The following BTBD9 variants were observed in gnomAD, a reference collection of about 807,000 sequenced individuals.
BTBD9 encodes the protein BTB domain containing 9.
Under a neutral mutation model 64.3 loss-of-function variants are expected in BTBD9, and 49 were observed. That is an observed-to-expected ratio of 0.76 (90% CI 0.61 to 0.97). The LOEUF is 0.97. Ranked by LOEUF, BTBD9 falls within the 50% of genes least tolerant of loss-of-function variation. The probability of loss-of-function intolerance (pLI) is 0.00; values close to 1 mark genes in which losing one functional copy is unlikely to be tolerated. For synonymous variants in BTBD9, 260 were observed against 274.7 expected (o/e 0.95, Z 0.53); for missense variants, 598 against 762.1 (o/e 0.78, Z 2.53).
At chr6:38,441,081 A>G (rs964190127) in intron 6 of BTBD9, among the ~76,000 whole-genome samples, 1 of 152,240 alleles carries the variant, frequency 6.6e-6, no homozygotes, top group East Asian at 1.9e-4. Context: ...GGTAAATTTC[A>G]TAGAACTCAG....
chr6:38,594,398 G>T, intron 2 of BTBD9, 71 bp from the exon 3 acceptor site: 1 of 1,477,356 alleles, frequency 6.8e-7, no homozygotes, highest in South Asian at 1.4e-5. Context: ...GGAAATAACA[G>T]TTATCAACAT....
intron 6 of BTBD9, among the ~76,000 whole-genome samples, chr6:38,522,618 T>C (rs1168214075): frequency 6.6e-6 from 1 of 152,228 alleles, no homozygotes; most frequent in Non-Finnish European, 1.5e-5. Context: ...CTTGGAGATC[T>C]TGATGCTTCC....
At chr6:38,242,370 C>T (rs1764021430) in intron 9 of BTBD9, among the ~76,000 whole-genome samples, 2 of 152,106 alleles carry the variant, frequency 1.3e-5, no homozygotes, top group Admixed American at 1.3e-4. Flanking sequence ...GTCTTATAGG[C>T]CATGCAAAAT....
At chr6:38,608,189 T>G (rs1777493107) in intron 1 of BTBD9, among the ~76,000 whole-genome samples, 1 of 152,188 alleles carries the variant, frequency 6.6e-6, no homozygotes, top group African/African-American at 2.4e-5. Flanking sequence ...GAATGACAAG[T>G]CATAGATTGC....
chr6:38,262,978 A>G (rs920541103), intron 8 of BTBD9, among the ~76,000 whole-genome samples: 1 of 152,214 alleles, frequency 6.6e-6, no homozygotes, highest in Non-Finnish European at 1.5e-5. Context: ...TTTGTGGGAA[A>G]TTCCACTGGA....
chr6:38,380,038 A>C (rs1375362865), intron 6 of BTBD9, among the ~76,000 whole-genome samples: 1 of 152,226 alleles, frequency 6.6e-6, no homozygotes, highest in African/African-American at 2.4e-5. Context: ...AGACTGGAGT[A>C]AATGAAGAAA....
intron 6 of BTBD9, among the ~76,000 whole-genome samples, chr6:38,356,914 T>C (rs1764749356): frequency 6.6e-6 from 1 of 152,126 alleles, no homozygotes. Context: ...GATAGAAGAA[T>C]GTGTTTGTGG....
At chr6:38,332,030 C>T (rs548156303) in intron 7 of BTBD9, among the ~76,000 whole-genome samples, 13 of 152,248 alleles carry the variant, frequency 8.5e-5, no homozygotes, top group African/African-American at 1.9e-4. Context: ...TAATTATTAG[C>T]GAGGCAAAAC....
At chr6:38,500,571 A>T (rs1446994762) in intron 6 of BTBD9, among the ~76,000 whole-genome samples, 2 of 152,128 alleles carry the variant, frequency 1.3e-5, no homozygotes, top group African/African-American at 4.8e-5. Flanking sequence ...CTCAGTATTA[A>T]CTCTCTCAAC....
chr6:38,194,605 C>CT (rs1762211196), intron 9 of BTBD9, among the ~76,000 whole-genome samples: 4 of 152,164 alleles, frequency 2.6e-5, no homozygotes, highest in Admixed American at 6.5e-5. Context: ...GCGTGTGGCT[C>CT]TGAGAGTGAA....
intron 1 of BTBD9, among the ~76,000 whole-genome samples, chr6:38,623,683 C>G (rs1778073533): frequency 6.6e-6 from 1 of 152,208 alleles, no homozygotes; most frequent in Non-Finnish European, 1.5e-5. Flanking sequence ...ATACCAACCT[C>G]TAGAGTTGGG....
intron 1 of BTBD9, among the ~76,000 whole-genome samples, chr6:38,619,904 C>T (rs1181790190): frequency 6.6e-6 from 1 of 152,160 alleles, no homozygotes; most frequent in African/African-American, 2.4e-5. Context: ...ACATATTAGC[C>T]AAAGCTGGAG....
chr6:38,587,424 T>C (rs371472881), intron 4 of BTBD9: 1 of 531,904 alleles, frequency 1.9e-6, no homozygotes, highest in Non-Finnish European at 3.7e-6. Flanking sequence ...TTAATATTAC[T>C]TATGATGAAT....
chr6:38,269,899 G>C (rs141640094), intron 8 of BTBD9, among the ~76,000 whole-genome samples: 39 of 152,322 alleles, frequency 2.6e-4, no homozygotes, highest in Non-Finnish European at 4.3e-4. Context: ...ACAGAGGCCA[G>C]TCTCCGTGCC....
intron 6 of BTBD9, among the ~76,000 whole-genome samples, chr6:38,364,944 T>C (rs1765128689): frequency 6.6e-6 from 1 of 152,136 alleles, no homozygotes; most frequent in African/African-American, 2.4e-5. Context: ...ATGAATCACA[T>C]CCTAGGACAT....
chr6:38,374,306 T>TATATATATATATAAAA lies in BTBD9; in HGVS notation c.1155-29214_1155-29213insTTTTATATATATATAT, dbSNP rs1491240635. On this transcript the variant is annotated intron_variant, in intron 6 of 10. Transcript: ENST00000481247. ...AAGTATATATATATATGTATATATATGTATATATATATATATATATGTATA... is the reference window on the plus strand; with the variant it reads ...AAGTATATATATATATGTATATATATATATATATATATAAAAGTATATATATATATATATATGTATA... Among the ~76,000 whole-genome samples the TATATATATATATAAAA allele has an allele frequency of 1.2e-4, 10 of 84,640 alleles. 1 individual carries two copies. The East Asian group carries it at 5.2e-3, about 44-fold the overall frequency. 55.5% of individuals were successfully genotyped at this position (84,640 alleles called of 152,430 possible).
chr6:38,461,648 T>C (rs1770091988), intron 6 of BTBD9, among the ~76,000 whole-genome samples: 1 of 152,246 alleles, frequency 6.6e-6, no homozygotes, highest in Non-Finnish European at 1.5e-5. Flanking sequence ...TTTGTATGGG[T>C]ATATGCTTTC....
At chr6:38,450,114 AT>A (rs1384085143) in intron 6 of BTBD9, among the ~76,000 whole-genome samples, 1 of 152,234 alleles carries the variant, frequency 6.6e-6, no homozygotes, top group Non-Finnish European at 1.5e-5. Flanking sequence ...AAATCCTGTT[AT>A]TTGGATAAGT....
chr6:38,343,070 A>G (rs1482200520), intron 7 of BTBD9, among the ~76,000 whole-genome samples: 1 of 152,190 alleles, frequency 6.6e-6, no homozygotes, highest in Middle Eastern at 3.2e-3. Context: ...TGGCTGAGGG[A>G]CAATAAGAGG....
Sources: gnomAD v4.1 joint callset for allele counts (sites outside exome capture counted in the v4.1 genomes callset) on GRCh38, gnomAD v4.1.1 for gene constraint, MANE v1.5 for transcripts, NCBI Gene and HGNC (gene_info 2026-07-23, HGNC 2026-07-21) for gene names.